CACNG2: variants seen among roughly 807,000 people sequenced by gnomAD.
CACNG2 encodes voltage-dependent calcium channel gamma-2 subunit.
CACNG2 carries 3 observed loss-of-function variants against 25.9 expected under a neutral mutation model. That is an observed-to-expected ratio of 0.12 (90% confidence interval 0.05 to 0.30). CACNG2 has a LOEUF of 0.30. Ranked by LOEUF, CACNG2 falls within the 10% of genes least tolerant of loss-of-function variation. CACNG2 has a pLI of 1.00. For missense variants in CACNG2, 341 were observed against 432.5 expected (o/e 0.79, Z 1.88); for synonymous variants, 167 against 173.3 (o/e 0.96, Z 0.29).
chr22:36,604,955 G>A (rs918227682), intron 1 of CACNG2, among the ~76,000 whole-genome samples: 1 of 152,086 alleles, frequency 6.6e-6, no homozygotes, highest in Non-Finnish European at 1.5e-5. Flanking sequence ...TTTTTTATTT[G>A]TAGAGATGGG....
chr22:36,692,971 C>G (rs928878461), intron 1 of CACNG2, among the ~76,000 whole-genome samples: 1 of 152,208 alleles, frequency 6.6e-6, no homozygotes, highest in South Asian at 2.1e-4. Flanking sequence ...CATGGCAAAA[C>G]CCCGTCTCTA....
intron 2 of CACNG2, among the ~76,000 whole-genome samples, chr22:36,583,887 G>A (rs776860393): frequency 5.3e-5 from 8 of 152,176 alleles, no homozygotes; most frequent in African/African-American, 1.7e-4. Context: ...TGTCTCTGCT[G>A]TAGGACCCCA....
chr22:36,650,703 G>C (rs1936598009), intron 1 of CACNG2, among the ~76,000 whole-genome samples: 1 of 152,102 alleles, frequency 6.6e-6, no homozygotes, highest in African/African-American at 2.4e-5. Flanking sequence ...ATTTTTTGTA[G>C]AGATGGGGGT....
intron 1 of CACNG2, among the ~76,000 whole-genome samples, chr22:36,632,178 T>C (rs1936282162): frequency 6.6e-6 from 1 of 151,820 alleles, no homozygotes; most frequent in African/African-American, 2.4e-5. Flanking sequence ...TTTCTGACTT[T>C]TTTTTTTAAA....
chr22:36,700,568 G>A (rs1410277484), intron 1 of CACNG2, among the ~76,000 whole-genome samples: 3 of 152,080 alleles, frequency 2.0e-5, no homozygotes, highest in Non-Finnish European at 4.4e-5. Flanking sequence ...TCCCTAAAGC[G>A]GTCCTCATTC....
At chr22:36,623,196 T>A (rs1281993963) in intron 1 of CACNG2, among the ~76,000 whole-genome samples, 1 of 151,486 alleles carries the variant, frequency 6.6e-6, no homozygotes, top group Non-Finnish European at 1.5e-5. Context: ...AATTTTTGTA[T>A]TTTTAGAAGA....
chr22:36,676,333 A>G (rs1871676767), intron 1 of CACNG2, among the ~76,000 whole-genome samples: 1 of 152,146 alleles, frequency 6.6e-6, no homozygotes, highest in South Asian at 2.1e-4. Flanking sequence ...TCTGATTGGA[A>G]CCATGGCCCT....
intron 1 of CACNG2, among the ~76,000 whole-genome samples, chr22:36,599,750 C>A (rs1935727055): frequency 6.6e-6 from 1 of 152,132 alleles, no homozygotes. Flanking sequence ...CACACAACTG[C>A]TTCAATGTCC....
chr22:36,663,702 TG>T, intron 1 of CACNG2, among the ~76,000 whole-genome samples: 1 of 152,320 alleles, frequency 6.6e-6, no homozygotes, highest in Admixed American at 6.5e-5. Context: ...TCAGCATCCC[TG>T]GGCGCCTCAG....
intron 1 of CACNG2, among the ~76,000 whole-genome samples, chr22:36,636,416 G>A (rs1936358677): frequency 1.3e-5 from 2 of 152,132 alleles, no homozygotes; most frequent in Non-Finnish European, 2.9e-5. Flanking sequence ...GGTTCCCCCG[G>A]GACCAGCTTC....
intron 1 of CACNG2, among the ~76,000 whole-genome samples, chr22:36,685,141 C>T (rs1416530239): frequency 6.6e-6 from 1 of 152,164 alleles, no homozygotes; most frequent in Admixed American, 6.5e-5. Context: ...TCTCAGAGAG[C>T]TCTCCCTGGG....
At chr22:36,610,081 A>G (rs746021217) in intron 1 of CACNG2, among the ~76,000 whole-genome samples, 5 of 150,748 alleles carry the variant, frequency 3.3e-5, no homozygotes, top group Non-Finnish European at 7.4e-5. Context: ...ATTGGGAGGA[A>G]TAAGTCCCCC....
At chr22:36,622,931 C>T (rs1333713999) in intron 1 of CACNG2, among the ~76,000 whole-genome samples, 1 of 150,240 alleles carries the variant, frequency 6.7e-6, no homozygotes, top group Non-Finnish European at 1.5e-5. Flanking sequence ...TGCACTCCAG[C>T]CTGGGCAACA....
chr22:36,578,108 T>C (rs1248150913), intron 2 of CACNG2, among the ~76,000 whole-genome samples: 1 of 151,974 alleles, frequency 6.6e-6, no homozygotes, highest in Non-Finnish European at 1.5e-5. Context: ...ACACCTGTCA[T>C]CCCAGCACTT....
chr22:36,569,942 G>A (rs1310085549), intron 2 of CACNG2, among the ~76,000 whole-genome samples: 1 of 152,244 alleles, frequency 6.6e-6, no homozygotes, highest in Non-Finnish European at 1.5e-5. Flanking sequence ...AAAGAGGTCG[G>A]TGTGGCTTCC....
At chr22:36,664,331 T>C (rs1273096766) in intron 1 of CACNG2, among the ~76,000 whole-genome samples, 1 of 152,208 alleles carries the variant, frequency 6.6e-6, no homozygotes, top group Non-Finnish European at 1.5e-5. Context: ...AAAATGCTTA[T>C]TGATCGCCTA....
At chr22:36,592,399 A>G (rs1482006394) in intron 1 of CACNG2, among the ~76,000 whole-genome samples, 1 of 151,932 alleles carries the variant, frequency 6.6e-6, no homozygotes, top group East Asian at 1.9e-4. Flanking sequence ...GGGGGTGTGG[A>G]TATTGGAAAT....
In CACNG2 at chr22:36,702,972, A is replaced by G. The variant is rs1937430570; in HGVS notation, c.-396T>C. 1 of 190,580 alleles carries G rather than the reference A, an allele frequency of 5.2e-6. No individual in the cohort carries two copies. The allele number at this position is 190,580 out of a possible 1,614,324, so 11.8% of individuals were successfully genotyped here. A position where few individuals can be genotyped will look rare whatever the true frequency, so the allele number is the denominator to read the frequency against. On this transcript the variant is annotated 5_prime_UTR_variant, in exon 1 of 4. Coordinates refer to ENST00000300105, the MANE Select transcript of CACNG2 (RefSeq NM_006078.5). ...GATAGTTAATTTGGAGATGGCTTCC[A>G]CAGTGAACCAGGGAACAGCCGAATT...
chr22:36,615,573 C>T (rs182365334), intron 1 of CACNG2, among the ~76,000 whole-genome samples: 13 of 152,328 alleles, frequency 8.5e-5, no homozygotes, highest in South Asian at 6.2e-4. Flanking sequence ...CTCTGTTCCC[C>T]CAGCTGGGTT....
Sources: allele counts gnomAD v4.1 joint callset (sites outside exome capture counted in the v4.1 genomes callset), GRCh38; gene constraint gnomAD v4.1.1; transcripts MANE v1.5; gene names NCBI Gene and HGNC (gene_info 2026-07-23, HGNC 2026-07-21).